The following FAXC variants were observed in gnomAD, a reference collection of about 807,000 sequenced individuals.
FAXC encodes the protein failed axon connections homolog.
Under a neutral mutation model 41.9 loss-of-function variants are expected in FAXC, and 10 were observed. The observed-to-expected ratio is 0.24, with a 90% CI of 0.15 to 0.41. FAXC has a LOEUF of 0.41. FAXC is among the 10% of genes least tolerant of loss of function. FAXC has a pLI of 1.00. For missense variants in FAXC, 399 were observed against 510.9 expected, an observed-to-expected ratio of 0.78 and a Z score of 2.11; for synonymous variants, 183 against 183.8, an observed-to-expected ratio of 1.00 and a Z score of 0.03.
At chr6:99,309,634 G>A (rs916622616) in intron 4 of FAXC, among the ~76,000 whole-genome samples, 7 of 152,156 alleles carry the variant, frequency 4.6e-5, no homozygotes, top group African/African-American at 1.4e-4. Flanking sequence ...TCGGTCCTCT[G>A]GAAGTCTGGA....
chr6:99,342,663 G>T (rs13210705), intron 2 of FAXC, among the ~76,000 whole-genome samples: 56,377 of 152,028 alleles, frequency 0.37, 11,023 homozygotes, highest in Middle Eastern at 0.46. Flanking sequence ...CTCTGTTAAA[G>T]AAAAATATCA....
At chr6:99,320,110 A>T (rs1772536033) in intron 4 of FAXC, among the ~76,000 whole-genome samples, 1 of 152,158 alleles carries the variant, frequency 6.6e-6, no homozygotes, top group Admixed American at 6.5e-5. Flanking sequence ...GCTCCTAGTG[A>T]CTCAACACTA....
rs1462621981 is a variant in FAXC, at chr6:99,323,486, T to G, written c.781A>C (p.Met261Leu). 2 of 1,614,248 alleles carry G rather than the reference T, an allele frequency of 1.2e-6. No individual in the cohort carries two copies. Among genetic ancestry groups the G allele is most frequent in the African/African-American group, 1.3e-5 (1 of 75,072 alleles). Residue 261 changes from methionine to leucine, a missense_variant, in exon 4 of 6, where the codon ATG becomes CTG. Transcript: ENST00000389677. ...IGRFSEEEIY[M>L]LMEKDMRSLA... ...GACCGCATGTCCTTCTCCATCAGCA[T>G]GTAAATCTCTTCCTCGGAGAAGCGG...
chr6:99,331,692 T>C (rs1046948188), intron 3 of FAXC, among the ~76,000 whole-genome samples: 1 of 152,190 alleles, frequency 6.6e-6, no homozygotes, highest in Non-Finnish European at 1.5e-5. Context: ...TGGCAATCAA[T>C]GGGCCCATCA....
At chr6:99,312,958 C>T (rs950665230) in intron 4 of FAXC, among the ~76,000 whole-genome samples, 1 of 152,164 alleles carries the variant, frequency 6.6e-6, no homozygotes, top group African/African-American at 2.4e-5. Context: ...ATTTGATTGA[C>T]AGAGAAGTGC....
intron 2 of FAXC, among the ~76,000 whole-genome samples, chr6:99,335,746 C>T (rs1773194473): frequency 6.6e-6 from 1 of 152,216 alleles, no homozygotes; most frequent in South Asian, 2.1e-4. Flanking sequence ...GATCTTTTGT[C>T]TCCATGCTGA....
intron 5 of FAXC, chr6:99,284,204 T>C (rs1432674754): frequency 6.6e-6 from 1 of 152,208 alleles, no homozygotes; most frequent in Non-Finnish European, 1.5e-5. Flanking sequence ...TTAATAGTAT[T>C]GCACTACCTG....
intron 4 of FAXC, among the ~76,000 whole-genome samples, chr6:99,323,094 C>G (rs1428765680): frequency 6.6e-6 from 1 of 152,188 alleles, no homozygotes; most frequent in Non-Finnish European, 1.5e-5. Context: ...CAGCCTGTGA[C>G]CCTGACCTGT....
At chr6:99,297,308 C>T (rs780201320) in intron 4 of FAXC, among the ~76,000 whole-genome samples, 18 of 152,092 alleles carry the variant, frequency 1.2e-4, no homozygotes, top group Non-Finnish European at 2.1e-4. Context: ...ACTAACTGAG[C>T]GGATGGCTGG....
Position 99,349,413 on chromosome 6 carries a change from C to CCCG in FAXC, c.-42_-41insCGG, listed in dbSNP as rs1262058378. 1.3e-6 allele frequency: 2 copies of CCCG among 1,514,626 alleles called. No homozygotes were observed. The highest frequency in any genetic ancestry group is 1.8e-6 in the Non-Finnish European group (2 of 1,135,742). 93.8% of individuals were successfully genotyped at this position (1,514,626 alleles called of 1,614,324 possible). On this transcript the variant is annotated 5_prime_UTR_variant, in exon 1 of 6. Transcript: ENST00000389677. ...CCGGGCGCCCCTCCCAGGGCCCGCG[C>CCCG]CGCCCGCATGGGAAGGGGCCGGCGC...
rs556508052 is a variant in FAXC, at chr6:99,294,693, A to G, written c.824-2873T>C. Among the ~76,000 whole-genome samples, 6 of 152,354 alleles carry G rather than the reference A, an allele frequency of 3.9e-5. No individual in the cohort carries two copies. In the South Asian group the frequency reaches 1.2e-3, roughly 32 times the overall value. The stretch of plus-strand genomic sequence containing the variant: ...TCAAAAGGACTCTAAGGGAAATGCC[A>G]GAGTCAAGTCCATAAATTTTGAAGT... On this transcript the variant is annotated intron_variant, in intron 4 of 5. Coordinates refer to ENST00000389677, the MANE Select transcript of FAXC (RefSeq NM_032511.4).
At chr6:99,337,610 G>A (rs2128464013) in intron 2 of FAXC, among the ~76,000 whole-genome samples, 1 of 152,294 alleles carries the variant, frequency 6.6e-6, no homozygotes, top group Middle Eastern at 3.4e-3. Flanking sequence ...ATCAGAAAAT[G>A]CAGTAAAGCT....
intron 4 of FAXC, among the ~76,000 whole-genome samples, chr6:99,315,231 T>TGAA (rs1772298421): frequency 1.8e-5 from 1 of 56,698 alleles, no homozygotes; most frequent in African/African-American, 1.1e-4. Flanking sequence ...ACACTCCATC[T>TGAA]TAAAAAAAAA....
At chr6:99,314,983 C>T (rs962963367) in intron 4 of FAXC, among the ~76,000 whole-genome samples, 3 of 151,932 alleles carry the variant, frequency 2.0e-5, no homozygotes, top group Non-Finnish European at 2.9e-5. Context: ...CCTGTAATCC[C>T]GGCACCCTGG....
In FAXC at chr6:99,349,196, G is replaced by T; in HGVS notation, c.177C>A (p.Ser59=). 11 of 1,613,904 alleles carry T rather than the reference G, an allele frequency of 6.8e-6. No individual in the cohort carries two copies. The highest frequency in any genetic ancestry group is 9.3e-6 in the Non-Finnish European group (11 of 1,180,026). ...DYGGIMAGLG[S]DPWWKKTLYL... is the part of the protein sequence containing the mutation. ...AAAGGGTTTTCTTCCACCAGGGATC[G>T]GAGCCCAGCCCTGCCATGATCCCAC... is the stretch of plus-strand genomic sequence containing the variant. The change falls in exon 1 of 6, where the codon TCC becomes TCA. Residue 59 remains serine (S), a synonymous_variant. Transcript: ENST00000389677.
chr6:99,335,627 C>G (rs1012912163), intron 2 of FAXC, among the ~76,000 whole-genome samples: 9 of 152,192 alleles, frequency 5.9e-5, no homozygotes, highest in Admixed American at 4.6e-4. Flanking sequence ...AACCCAAATG[C>G]GTAAGGGATA....
intron 4 of FAXC, among the ~76,000 whole-genome samples, chr6:99,316,924 C>T (rs148958030): frequency 8.7e-4 from 132 of 152,310 alleles, no homozygotes; most frequent in African/African-American, 2.9e-3. Context: ...GCAAATGATT[C>T]ATTTTTACTG....
chr6:99,329,593 G>C (rs1772954208), intron 3 of FAXC, among the ~76,000 whole-genome samples: 1 of 152,064 alleles, frequency 6.6e-6, no homozygotes, highest in Admixed American at 6.5e-5. Flanking sequence ...GTTTCACCAA[G>C]TTTCACAAGC....
At chr6:99,294,121 T>C (rs768916232) in intron 4 of FAXC, among the ~76,000 whole-genome samples, 44 of 152,294 alleles carry the variant, frequency 2.9e-4, no homozygotes, top group Non-Finnish European at 5.7e-4. Flanking sequence ...AATCAAGTCA[T>C]TCACATTAGA....
Sources: allele counts gnomAD v4.1 joint callset (sites outside exome capture counted in the v4.1 genomes callset), GRCh38; gene constraint gnomAD v4.1.1; transcripts MANE v1.5; gene names NCBI Gene and HGNC (gene_info 2026-07-23, HGNC 2026-07-21).